The following VWA8 variants were observed in gnomAD, a reference collection of about 807,000 sequenced individuals.
The protein encoded by VWA8 is von Willebrand factor A domain-containing protein 8.
A neutral mutation model predicts 241.5 loss-of-function variants in VWA8; 221 were observed. That is an observed-to-expected ratio of 0.91 (90% CI 0.82 to 1.02). The LOEUF (loss-of-function observed/expected upper bound fraction) is 1.02. VWA8 is among the 50% of genes least tolerant of loss of function. VWA8 has a pLI of 0.00. For missense variants in VWA8, 2,322 were observed against 2,328.7 expected (o/e 1.00, Z 0.06); for synonymous variants, 852 against 827.1 (o/e 1.03, Z -0.52).
In VWA8 at chr13:41,867,558, G is replaced by A. The variant is rs143945852; in HGVS notation, c.1212+788C>T. Among the ~76,000 whole-genome samples, 7 of 152,076 alleles carry A rather than the reference G, an allele frequency of 4.6e-5. No homozygotes were observed. The East Asian group carries it at 9.7e-4, about 21-fold the overall frequency. On this transcript the variant is annotated intron_variant, in intron 10 of 44. Coordinates refer to ENST00000379310, the MANE Select transcript of VWA8 (RefSeq NM_015058.2). ...TAAAACTTACCTTAATGGATCTTGCGGGATTTAAATCGTGTAATATATGCA... is the reference window on the plus strand; with the variant it reads ...TAAAACTTACCTTAATGGATCTTGCAGGATTTAAATCGTGTAATATATGCA...
intron 2 of VWA8, among the ~76,000 whole-genome samples, chr13:41,924,727 C>A (rs560460007): frequency 6.7e-6 from 1 of 150,286 alleles, no homozygotes; most frequent in African/African-American, 2.4e-5. Context: ...AGTTCTCCCA[C>A]AAAGCTGAGG....
chr13:41,841,820 AAT>A lies in VWA8; in HGVS notation c.1426-8291_1426-8290del, dbSNP rs1242263993. Among the ~76,000 whole-genome samples the A allele has an allele frequency of 9.4e-3, 208 of 22,216 alleles. 2 individuals carry two copies. Among genetic ancestry groups the A allele is most frequent in the African/African-American group, 0.027 (156 of 5,818 alleles). The allele number at this position is 22,216 out of a possible 152,430, so 14.6% of individuals were successfully genotyped here. A position where few individuals can be genotyped will look rare whatever the true frequency, so the allele number is the denominator to read the frequency against. ...AAAAAAAAAAAAAAAAAAAAAAAAA[AAT>A]ATATATATATATATATATATATATA... is the stretch of plus-strand genomic sequence containing the variant. On this transcript the variant is annotated intron_variant, in intron 12 of 44. Coordinates refer to ENST00000379310, the MANE Select transcript of VWA8 (RefSeq NM_015058.2).
chr13:41,732,485 A>AAT (rs367672506), intron 21 of VWA8, among the ~76,000 whole-genome samples: 140 of 148,850 alleles, frequency 9.4e-4, no homozygotes, highest in South Asian at 1.9e-3. Flanking sequence ...GAAACTAAAA[A>AAT]ATATATATAT....
intron 35 of VWA8, among the ~76,000 whole-genome samples, chr13:41,676,860 TG>T (rs1435941524): frequency 6.6e-6 from 1 of 152,186 alleles, no homozygotes; most frequent in Non-Finnish European, 1.5e-5. Flanking sequence ...CTTGAACTCC[TG>T]ACCCCAAGTG....
intron 20 of VWA8, among the ~76,000 whole-genome samples, chr13:41,767,850 G>T (rs2137915212): frequency 6.6e-6 from 1 of 152,292 alleles, no homozygotes; most frequent in Non-Finnish European, 1.5e-5. Flanking sequence ...CAGCTATTAG[G>T]TATAACCAAA....
chr13:41,838,261 G>A (rs1382566955), intron 12 of VWA8, among the ~76,000 whole-genome samples: 1 of 151,884 alleles, frequency 6.6e-6, no homozygotes, highest in Non-Finnish European at 1.5e-5. Flanking sequence ...TAAAATAACT[G>A]TACAAAGTGG....
At chr13:41,783,290 C>T (rs900375406) in intron 19 of VWA8, among the ~76,000 whole-genome samples, 1 of 150,310 alleles carries the variant, frequency 6.7e-6, no homozygotes, top group Non-Finnish European at 1.5e-5. Flanking sequence ...GCAACCATTC[C>T]TCCAATTTTT....
At chr13:41,858,369 G>A (rs1045693804) in intron 12 of VWA8, among the ~76,000 whole-genome samples, 2 of 152,164 alleles carry the variant, frequency 1.3e-5, no homozygotes, top group African/African-American at 4.8e-5. Context: ...ACTTTAGGAG[G>A]CCAAGGTGGG....
chr13:41,718,141 T>C (rs1432929928), intron 26 of VWA8, among the ~76,000 whole-genome samples: 1 of 151,936 alleles, frequency 6.6e-6, no homozygotes, highest in Non-Finnish European at 1.5e-5. Flanking sequence ...GAAAAAGAAA[T>C]TGTTTTAAAA....
intron 2 of VWA8, among the ~76,000 whole-genome samples, chr13:41,916,623 G>A (rs1015523310): frequency 2.0e-5 from 3 of 152,174 alleles, no homozygotes; most frequent in Non-Finnish European, 4.4e-5. Context: ...CAAAAAGCAT[G>A]TCTATATTTA....
intron 4 of VWA8, among the ~76,000 whole-genome samples, 189 bp downstream of exon 4, chr13:41,907,397 T>C (rs1400774412): frequency 6.6e-6 from 1 of 152,214 alleles, no homozygotes; most frequent in Non-Finnish European, 1.5e-5. Flanking sequence ...CTAGGATTTC[T>C]CATTTAGTAC....
chr13:41,748,030 G>C (rs2045623734), intron 21 of VWA8, among the ~76,000 whole-genome samples: 1 of 152,196 alleles, frequency 6.6e-6, no homozygotes, highest in African/African-American at 2.4e-5. Flanking sequence ...TTGCATCAAT[G>C]TTCATCAGGG....
At chr13:41,771,534 T>C (rs1339783745) in intron 20 of VWA8, among the ~76,000 whole-genome samples, 1 of 152,218 alleles carries the variant, frequency 6.6e-6, no homozygotes, top group Non-Finnish European at 1.5e-5. Flanking sequence ...AAAACACATG[T>C]ATTCTTACAC....
At chr13:41,726,863 T>C (rs9594619) in intron 24 of VWA8, among the ~76,000 whole-genome samples, 46,557 of 151,836 alleles carry the variant, frequency 0.31, 7,485 homozygotes, top group Non-Finnish European at 0.35. Context: ...GGCTCAGTGG[T>C]ACATGCCTGT....
chr13:41,675,411 A>G (rs530686341), intron 35 of VWA8, 115 bp from the exon 36 acceptor site: 2 of 679,168 alleles, frequency 2.9e-6, no homozygotes, highest in South Asian at 3.8e-5. Context: ...GATCTACTTG[A>G]CAAGGTACTG....
intron 37 of VWA8, among the ~76,000 whole-genome samples, chr13:41,636,784 C>T (rs570361947): frequency 6.6e-6 from 1 of 152,332 alleles, no homozygotes; most frequent in East Asian, 1.9e-4. Context: ...CAGAAGAAGA[C>T]ATTTATGCAG....
At chr13:41,681,618 G>A (rs1404981625) in intron 35 of VWA8, among the ~76,000 whole-genome samples, 1 of 152,126 alleles carries the variant, frequency 6.6e-6, no homozygotes, top group Admixed American at 6.5e-5. Context: ...GACCATACTG[G>A]TAATGACTTA....
chr13:41,889,248 T>G (rs1874700911), intron 5 of VWA8, among the ~76,000 whole-genome samples: 1 of 152,192 alleles, frequency 6.6e-6, no homozygotes, highest in African/African-American at 2.4e-5. Flanking sequence ...GAGGTTCTCA[T>G]GAGACAGATT....
In VWA8 at chr13:41,721,522, C is replaced by G; in HGVS notation, c.2812G>C (p.Glu938Gln). The change falls in exon 25 of 45, where the codon GAG (glutamate) becomes CAG (glutamine). Residue 938 changes from glutamate to glutamine, a missense_variant. Physicochemically the swap from Glu to Gln is conservative, Grantham distance 29. Transcript: ENST00000379310. ...TTTGGTCCATACTGTCTGAGCATCT[C>G]GAGCTCCGAGTGGGGTTTGGGGTTA... ...VDNPKPHSEL[E>Q]MLRQYGPNVP... 4 of 1,613,736 alleles carry G rather than the reference C, an allele frequency of 2.5e-6. No individual in the cohort carries two copies. The highest frequency in any genetic ancestry group is 3.4e-6 in the Non-Finnish European group (4 of 1,179,788).
Sources: gnomAD v4.1 joint callset for allele counts (sites outside exome capture counted in the v4.1 genomes callset) on GRCh38, gnomAD v4.1.1 for gene constraint, MANE v1.5 for transcripts, NCBI Gene and HGNC (gene_info 2026-07-23, HGNC 2026-07-21) for gene names.